Variants in PHACTR2 observed in about 807,000 individuals in gnomAD.
PHACTR2 encodes chromosome 6 open reading frame 56.
Under a neutral mutation model 76.0 loss-of-function variants are expected in PHACTR2, and 30 were observed. The ratio of observed to expected loss-of-function variants is 0.39; its 90% CI spans 0.30 to 0.54. The LOEUF is 0.54. PHACTR2 is among the 20% of genes least tolerant of loss of function. The probability of loss-of-function intolerance (pLI) is 0.61; values close to 1 mark genes in which losing one functional copy is unlikely to be tolerated. For missense variants in PHACTR2, 696 were observed against 781.1 expected (o/e 0.89, Z 1.30); for synonymous variants, 292 against 292.5 (o/e 1.00, Z 0.02).
chr6:143,630,790 G>A (rs1415555394), intron 1 of PHACTR2, among the ~76,000 whole-genome samples: 1 of 152,196 alleles, frequency 6.6e-6, no homozygotes, highest in Non-Finnish European at 1.5e-5. Context: ...ATGGAACTAA[G>A]CCAGAAATAC....
At position 143,742,304 on chromosome 6, in the gene PHACTR2, T is replaced by G. The variant is rs1336928885; in HGVS notation, c.215-6681T>G. 6.6e-6 allele frequency among the ~76,000 whole-genome samples: 1 copy of G among 152,166 alleles called. No individual in the cohort carries two copies. The highest frequency in any genetic ancestry group is 1.5e-5 in the Non-Finnish European group (1 of 68,028). ...CTCATTAAGAACCTGTCTCGCTCCC[T>G]CTTTTGAGTCTGTATTTCCTCCCTG... is the stretch of plus-strand genomic sequence containing the variant. On this transcript the variant is annotated intron_variant, in intron 2 of 12. Transcript: ENST00000440869. The surrounding 1 kb of genome is among the most constrained non-coding windows in gnomAD (Gnocchi z 4.5).
chr6:143,613,962 T>C (rs1223459794), intron 1 of PHACTR2, among the ~76,000 whole-genome samples: 1 of 152,146 alleles, frequency 6.6e-6, no homozygotes, highest in African/African-American at 2.4e-5. Context: ...GTGGCTCACA[T>C]CTGTGATCTC....
At chr6:143,785,478 A>G (rs1488689722) in intron 10 of PHACTR2, among the ~76,000 whole-genome samples, 3 of 152,094 alleles carry the variant, frequency 2.0e-5, no homozygotes, top group African/African-American at 2.4e-5. Context: ...CAGCTTTTCT[A>G]GACACATGGT....
chr6:143,697,053 T>C lies in PHACTR2; in HGVS notation c.47-14963T>C, dbSNP rs1777790593. ...AGGTAGTTCTACCTTGTAGTTCCGA[T>C]ATATTTAGTTAATTGAAAGCCTAAA... On this transcript the variant is annotated intron_variant, in intron 1 of 12. Transcript: ENST00000440869. The surrounding 1 kb of genome is among the most constrained non-coding windows in gnomAD (Gnocchi z 4.4). 6.6e-6 allele frequency among the ~76,000 whole-genome samples: 1 copy of C among 152,202 alleles called. No individual in the cohort carries two copies.
At chr6:143,540,439 T>A (rs1052158097) in intron 1 of PHACTR2, among the ~76,000 whole-genome samples, 2 of 152,146 alleles carry the variant, frequency 1.3e-5, no homozygotes, top group Non-Finnish European at 2.9e-5. Context: ...CAGGAAAGAA[T>A]AATAAAAACT....
chr6:143,829,688 T>G lies in PHACTR2; in HGVS notation c.*5999T>G, dbSNP rs1474937678. The G allele has an allele frequency of 6.6e-6, 1 of 152,244 alleles. No individual in the cohort carries two copies. Among genetic ancestry groups the G allele is most frequent in the Admixed American group, 6.5e-5 (1 of 15,292 alleles). The allele number at this position is 152,244 out of a possible 1,614,324, so 9.4% of individuals were successfully genotyped here. A position where few individuals can be genotyped will look rare whatever the true frequency, so the allele number is the denominator to read the frequency against. On this transcript the variant is annotated 3_prime_UTR_variant, in exon 13 of 13. Coordinates refer to ENST00000440869, the MANE Select transcript of PHACTR2 (RefSeq NM_001100164.2). ...CCAAAACTGAATGGCAAATATGTCT[T>G]GACATTACTTGGATGAACTGTGGCT...
Position 143,598,092 on chromosome 6 carries a change from G to C in PHACTR2, c.217+60885G>C, listed in dbSNP as rs56364724. ...TAGTAGGTCGAAGAATGCCCCCCGC[G>C]CCCCCAAAAAAGAACCATATCTTAA... On this transcript the variant is annotated intron_variant, in intron 1 of 11. Transcript: ENST00000367584. The surrounding 1 kb of genome is among the most constrained non-coding windows in gnomAD (Gnocchi z 4.1). Among the ~76,000 whole-genome samples, 51,524 of 150,882 alleles carry C rather than the reference G, an allele frequency of 0.34. 8,854 individuals are homozygous for C. Among genetic ancestry groups the C allele is most frequent in the South Asian group, 0.44 (2,102 of 4,766 alleles).
intron 1 of PHACTR2, among the ~76,000 whole-genome samples, chr6:143,600,485 C>T (rs1775802877): frequency 6.6e-6 from 1 of 152,228 alleles, no homozygotes; most frequent in African/African-American, 2.4e-5. Context: ...AGTATAGGTA[C>T]AGTTCTTAAA....
intron 1 of PHACTR2, among the ~76,000 whole-genome samples, chr6:143,705,467 T>A (rs1260798465): frequency 6.6e-6 from 1 of 152,000 alleles, no homozygotes; most frequent in Non-Finnish European, 1.5e-5. Flanking sequence ...GCCAATTTTT[T>A]GTATTTTTAG....
At chr6:143,666,843 TGA>T (rs1777046237) in intron 1 of PHACTR2, among the ~76,000 whole-genome samples, 1 of 152,260 alleles carries the variant, frequency 6.6e-6, no homozygotes, top group African/African-American at 2.4e-5. Flanking sequence ...TTCACTCTGC[TGA>T]GAGTTTCTTT....
At chr6:143,812,026 G>C (rs2128484948) in intron 12 of PHACTR2, among the ~76,000 whole-genome samples, 1 of 152,218 alleles carries the variant, frequency 6.6e-6, no homozygotes, top group East Asian at 1.9e-4. Context: ...CTTATACCAA[G>C]TAAGGCTTCC....
Position 143,596,493 on chromosome 6 carries a change from T to C in PHACTR2, c.217+59286T>C, listed in dbSNP as rs1374091419. Among the ~76,000 whole-genome samples the C allele has an allele frequency of 6.6e-6, 1 of 152,200 alleles. No homozygotes were observed. The highest frequency in any genetic ancestry group is 1.5e-5 in the Non-Finnish European group (1 of 68,046). ...CAGTGTTTTTGAGTGGATAATATAATAGGTTTTCGACAAGTGAATGTTTTT... is the reference window on the plus strand; with the variant it reads ...CAGTGTTTTTGAGTGGATAATATAACAGGTTTTCGACAAGTGAATGTTTTT... On this transcript the variant is annotated intron_variant, in intron 1 of 11. Coordinates refer to the PHACTR2 transcript ENST00000367584. This position sits in a 1 kb window ranked among gnomAD's most constrained non-coding sequence, Gnocchi z 4.6.
chr6:143,683,139 C>T lies in PHACTR2; in HGVS notation c.46+4930C>T, dbSNP rs573814576. ...CATTATTTCTAAGTACAGGCTAAAA[C>T]GATATGCCCTCAAATAGGATGGTTT... On this transcript the variant is annotated intron_variant, in intron 1 of 12. Coordinates refer to ENST00000440869, the MANE Select transcript of PHACTR2 (RefSeq NM_001100164.2). The surrounding 1 kb of genome is among the most constrained non-coding windows in gnomAD (Gnocchi z 4.1). Among the ~76,000 whole-genome samples the T allele has an allele frequency of 4.6e-5, 7 of 152,264 alleles. No individual in the cohort carries two copies. The East Asian group carries it at 5.8e-4, about 13-fold the overall frequency.
intron 1 of PHACTR2, among the ~76,000 whole-genome samples, chr6:143,693,634 G>T (rs1777701064): frequency 6.6e-6 from 1 of 152,134 alleles, no homozygotes; most frequent in African/African-American, 2.4e-5. Context: ...ATGTCCCAAA[G>T]CACACTGCAT....
chr6:143,565,101 A>G (rs1775343808), intron 1 of PHACTR2, among the ~76,000 whole-genome samples: 1 of 152,194 alleles, frequency 6.6e-6, no homozygotes, highest in South Asian at 2.1e-4. Flanking sequence ...AATGAAAATC[A>G]GCTTTCACGA....
chr6:143,575,256 A>G lies in PHACTR2; in HGVS notation c.217+38049A>G, dbSNP rs888080983. On this transcript the variant is annotated intron_variant, in intron 1 of 11. Coordinates refer to the PHACTR2 transcript ENST00000367584. ...TCCGTGGTTCATAGTTCGATGAGAT[A>G]GCTTTCTCTTTTACAAAAAGTCTTT... 9.2e-5 allele frequency among the ~76,000 whole-genome samples: 14 copies of G among 152,358 alleles called. No homozygotes were observed. In the South Asian group the frequency reaches 2.5e-3, roughly 27 times the overall value.
In PHACTR2 at chr6:143,761,660, A is replaced by G. The variant is rs1779445852; in HGVS notation, c.694+1020A>G. ...TCCCAGCTACTCAGGAGGCTGAGGC[A>G]GGAAAATCGCTTGAACCCAGGAGGC... is the stretch of plus-strand genomic sequence containing the variant. On this transcript the variant is annotated intron_variant, in intron 5 of 12. Transcript: ENST00000440869. This position sits in a 1 kb window ranked among gnomAD's most constrained non-coding sequence, Gnocchi z 5.2. Among the ~76,000 whole-genome samples the G allele has an allele frequency of 6.6e-6, 1 of 152,118 alleles. No homozygotes were observed. Among genetic ancestry groups the G allele is most frequent in the Admixed American group, 6.5e-5 (1 of 15,276 alleles).
At chr6:143,725,668 C>T (rs887052006) in intron 2 of PHACTR2, among the ~76,000 whole-genome samples, 4 of 151,590 alleles carry the variant, frequency 2.6e-5, no homozygotes, top group African/African-American at 9.7e-5. Context: ...AACCCCGTCT[C>T]TACGAAAAAT....
Position 143,627,823 on chromosome 6 carries a change from G to A in PHACTR2, c.13+19501G>A, listed in dbSNP as rs747628274. Among the ~76,000 whole-genome samples, 4 of 151,900 alleles carry A rather than the reference G, an allele frequency of 2.6e-5. No individual in the cohort carries two copies. The highest frequency in any genetic ancestry group is 6.6e-5 in the Admixed American group (1 of 15,230). On this transcript the variant is annotated intron_variant, in intron 1 of 11. Coordinates refer to the PHACTR2 transcript ENST00000305766. This position sits in a 1 kb window ranked among gnomAD's most constrained non-coding sequence, Gnocchi z 4.3. ...TCACTATGTTAGCCAGGTTGGTCTC[G>A]ATCTCCTGACCTTGTGATCCGCCCA...
Sources: allele counts gnomAD v4.1 joint callset (sites outside exome capture counted in the v4.1 genomes callset), GRCh38; gene constraint gnomAD v4.1.1; non-coding constraint Gnocchi (gnomAD v3.1); transcripts MANE v1.5; gene names NCBI Gene and HGNC (gene_info 2026-07-23, HGNC 2026-07-21).